The following RHBDL2 variants were observed in gnomAD, a reference collection of about 807,000 sequenced individuals.
RHBDL2 encodes rhomboid like 2.
A neutral mutation model predicts 31.7 loss-of-function variants in RHBDL2; 26 were observed. The ratio of observed to expected loss-of-function variants is 0.82; its 90% CI spans 0.60 to 1.14. RHBDL2 has a LOEUF of 1.14. Ranked by LOEUF, RHBDL2 falls within the 50% of genes most tolerant of loss-of-function variation. RHBDL2 has a pLI of 0.00. For missense variants in RHBDL2, 336 were observed against 364.4 expected (o/e 0.92, Z 0.63); for synonymous variants, 123 against 127.2 (o/e 0.97, Z 0.22).
chr1:38,933,285 C>T (rs1313713440), intron 1 of RHBDL2, among the ~76,000 whole-genome samples: 2 of 152,172 alleles, frequency 1.3e-5, no homozygotes, highest in Non-Finnish European at 2.9e-5. Context: ...ACAACTCATA[C>T]ACACAAGGTT....
At chr1:38,922,516 G>A (rs542441225) in intron 1 of RHBDL2, among the ~76,000 whole-genome samples, 3 of 104,630 alleles carry the variant, frequency 2.9e-5, no homozygotes, top group South Asian at 7.3e-4. Context: ...CGATCCTCCC[G>A]CCTCAGCCTC....
intron 7 of RHBDL2, among the ~76,000 whole-genome samples, chr1:38,887,455 C>T (rs1007292479): frequency 2.0e-4 from 30 of 151,180 alleles, no homozygotes; most frequent in African/African-American, 7.1e-4. Context: ...GAGACAGAGT[C>T]ACTCTGTCAC....
chr1:38,904,946 G>A (rs906082796), intron 4 of RHBDL2, among the ~76,000 whole-genome samples: 3 of 149,972 alleles, frequency 2.0e-5, no homozygotes, highest in Non-Finnish European at 3.0e-5. Context: ...CAGGAGAATG[G>A]CGTGAACCCA....
At chr1:38,915,409 C>T in intron 3 of RHBDL2, 153 bp downstream of exon 3, 1 of 701,342 alleles carries the variant, frequency 1.4e-6, no homozygotes, top group East Asian at 2.7e-5. Flanking sequence ...ATGCCTCAGA[C>T]ATAAAACAGT....
chr1:38,901,472 AAAAGAAAG>A (rs550409628), intron 4 of RHBDL2, among the ~76,000 whole-genome samples: 9 of 151,418 alleles, frequency 5.9e-5, no homozygotes, highest in African/African-American at 1.9e-4. Context: ...AAAAAAAAAA[AAAAGAAAG>A]AAAGAAAGAA....
chr1:38,926,167 TG>T (rs1643372321), intron 1 of RHBDL2: 1 of 1,080,706 alleles, frequency 9.3e-7, no homozygotes. Flanking sequence ...CAGCTGCATT[TG>T]CTTAGGATTT....
chr1:38,905,808 C>T (rs925931222), intron 4 of RHBDL2, among the ~76,000 whole-genome samples: 3 of 151,406 alleles, frequency 2.0e-5, no homozygotes, highest in African/African-American at 4.9e-5. Flanking sequence ...TTGCTCACAC[C>T]TCTAATCCCA....
chr1:38,893,509 AATAAATAAATAG>A (rs1642879082), intron 5 of RHBDL2, among the ~76,000 whole-genome samples: 2 of 152,320 alleles, frequency 1.3e-5, no homozygotes, highest in South Asian at 4.1e-4. Context: ...TTAACATGTC[AATAAATAAATAG>A]ATAAATAAAT....
intron 2 of RHBDL2, among the ~76,000 whole-genome samples, chr1:38,917,020 T>TC (rs1643247083): frequency 6.9e-6 from 1 of 145,240 alleles, no homozygotes; most frequent in Non-Finnish European, 1.5e-5. Context: ...GAACTTTCTT[T>TC]TTTTTTTTTT....
At chr1:38,886,801 T>C in intron 7 of RHBDL2, 118 bp from the exon 8 acceptor site, 1 of 756,292 alleles carries the variant, frequency 1.3e-6, no homozygotes. Flanking sequence ...GTCTTAAAGG[T>C]CTAGAGAACT....
In RHBDL2 at chr1:38,919,127, T is replaced by C. The variant is rs1434352313; in HGVS notation, c.86A>G (p.Lys29Arg). ...EMKEELEEEE[K>R]MREDGGGKDR... ...TTTACCTCCCCCATCCTCTCTCATT[T>C]TCTCCTCTTCCTCCAGCTCTTCTTT... Residue 29 changes from lysine (K) to arginine (R), a missense_variant, in exon 2 of 8, where the codon AAA becomes AGA. Lys to Arg is a conservative substitution (Grantham distance 26). Coordinates refer to ENST00000372990, the MANE Select transcript of RHBDL2 (RefSeq NM_017821.5). The C allele has an allele frequency of 1.9e-6, 3 of 1,614,204 alleles. No individual in the cohort carries two copies. The South Asian group carries it at 3.3e-5, about 18-fold the overall frequency.
At chr1:38,919,383 A>G (rs540420888) in intron 1 of RHBDL2, 46 bp from the exon 2 acceptor site, 1 of 1,495,042 alleles carries the variant, frequency 6.7e-7, no homozygotes, top group East Asian at 2.3e-5. Flanking sequence ...AATGATCTAA[A>G]CCTCCTAAAT....
chr1:38,933,063 TG>T (rs761464305), intron 1 of RHBDL2, among the ~76,000 whole-genome samples: 4 of 152,184 alleles, frequency 2.6e-5, no homozygotes, highest in Admixed American at 6.5e-5. Flanking sequence ...CCATTGTCTT[TG>T]GGATAGATAT....
intron 6 of RHBDL2, 56 bp downstream of exon 6, chr1:38,893,108 G>T (rs1642874425): frequency 3.0e-6 from 3 of 1,009,504 alleles, no homozygotes; most frequent in Non-Finnish European, 3.1e-6. Context: ...TTAGAGATTT[G>T]TCTCTATATT....
chr1:38,905,504 C>A (rs1243474480), intron 4 of RHBDL2, among the ~76,000 whole-genome samples: 1 of 151,048 alleles, frequency 6.6e-6, no homozygotes, highest in African/African-American at 2.4e-5. Flanking sequence ...AATCCCAGCA[C>A]TTTGGGAGGC....
intron 4 of RHBDL2, among the ~76,000 whole-genome samples, chr1:38,911,081 A>G (rs920471848): frequency 1.3e-5 from 2 of 151,990 alleles, no homozygotes; most frequent in African/African-American, 4.8e-5. Context: ...CATACTTGCA[A>G]TTTCAATTAT....
chr1:38,933,160 C>T (rs78958905), intron 1 of RHBDL2, among the ~76,000 whole-genome samples: 22,766 of 152,076 alleles, frequency 0.15, 2,245 homozygotes, highest in Non-Finnish European at 0.21. Context: ...TTTCTCCCAA[C>T]GACTCAGTGC....
At chr1:38,915,510 T>C in intron 3 of RHBDL2, 52 bp downstream of exon 3, 1 of 1,581,922 alleles carries the variant, frequency 6.3e-7, no homozygotes, top group Non-Finnish European at 8.6e-7. Context: ...ATGTTAGAGG[T>C]TACAATGATA....
chr1:38,933,621 ACCTACGGATAAGCTACTTCC>A (rs973965323), intron 1 of RHBDL2, among the ~76,000 whole-genome samples: 2 of 152,038 alleles, frequency 1.3e-5, no homozygotes, highest in African/African-American at 4.8e-5. Flanking sequence ...GCCCCTGCTT[ACCTACGGATAAGCTACTTCC>A]CCTCACCTAA....
Sources: allele counts gnomAD v4.1 joint callset (sites outside exome capture counted in the v4.1 genomes callset), GRCh38; gene constraint gnomAD v4.1.1; transcripts MANE v1.5; gene names NCBI Gene and HGNC (gene_info 2026-07-23, HGNC 2026-07-21).